SLC25A26: variants seen among roughly 807,000 people sequenced by gnomAD.
SLC25A26 encodes solute carrier family 25 member 26.
Under a neutral mutation model 37.8 loss-of-function variants are expected in SLC25A26, and 36 were observed. The observed-to-expected ratio is 0.95, with a 90% CI of 0.73 to 1.26. The LOEUF is 1.26. Ranked by LOEUF, SLC25A26 falls within the 50% of genes most tolerant of loss-of-function variation. SLC25A26 has a pLI of 0.00. For missense variants in SLC25A26, 390 were observed against 331.1 expected (o/e 1.18, Z -1.38); for synonymous variants, 129 against 122.5 (o/e 1.05, Z -0.35).
At chr3:66,326,418 G>A (rs1299277175) in intron 5 of SLC25A26, among the ~76,000 whole-genome samples, 1 of 152,240 alleles carries the variant, frequency 6.6e-6, no homozygotes, top group East Asian at 1.9e-4. Context: ...TGCCCTGGTA[G>A]AGTCCGCTGC....
In SLC25A26 at chr3:66,138,634, T is replaced by C. The variant is rs145001521; in HGVS notation, c.-354+4650T>C. ...CAAATCAGACAATTTGGTGGGAGGA[T>C]TGATGCAGGGGGAGGGGGGGTAGGG... On this transcript the variant is annotated intron_variant, in intron 1 of 10. Coordinates refer to the SLC25A26 transcript ENST00000676754. Among the ~76,000 whole-genome samples, 11 of 149,460 alleles carry C rather than the reference T, an allele frequency of 7.4e-5. No homozygotes were observed. In the East Asian group the frequency reaches 7.8e-4, roughly 11 times the overall value.
chr3:66,177,257 T>G (rs556882138), intron 1 of SLC25A26, among the ~76,000 whole-genome samples: 7 of 152,308 alleles, frequency 4.6e-5, no homozygotes, highest in Non-Finnish European at 8.8e-5. Flanking sequence ...ATGTTGGCAA[T>G]GCTGACATAG....
chr3:66,167,924 C>A (rs1003031958), intron 1 of SLC25A26, among the ~76,000 whole-genome samples: 1 of 151,846 alleles, frequency 6.6e-6, no homozygotes, highest in African/African-American at 2.4e-5. Context: ...GAGGCCGAGG[C>A]GGGCGGATCA....
chr3:66,373,820 A>G (rs1290138610), intron 9 of SLC25A26, among the ~76,000 whole-genome samples: 7 of 152,142 alleles, frequency 4.6e-5, no homozygotes, highest in Admixed American at 3.9e-4. Flanking sequence ...AAGGGCCCAC[A>G]AAACTCTTCT....
chr3:66,257,309 A>G (rs2073342302), intron 3 of SLC25A26, among the ~76,000 whole-genome samples: 1 of 152,232 alleles, frequency 6.6e-6, no homozygotes, highest in Admixed American at 6.5e-5. Flanking sequence ...ATCTAATTGC[A>G]TAAATATATA....
At chr3:66,155,975 C>A (rs982178670) in intron 1 of SLC25A26, among the ~76,000 whole-genome samples, 2 of 152,132 alleles carry the variant, frequency 1.3e-5, no homozygotes, top group African/African-American at 4.8e-5. Context: ...ACCCAAATTT[C>A]TAAAAAAATG....
At chr3:66,364,437 G>C (rs2076781297) in intron 7 of SLC25A26, among the ~76,000 whole-genome samples, 1 of 152,152 alleles carries the variant, frequency 6.6e-6, no homozygotes, top group Non-Finnish European at 1.5e-5. Flanking sequence ...CTGGGGTATG[G>C]AGAAAGGGAG....
At chr3:66,318,304 A>G (rs2075595921) in intron 5 of SLC25A26, among the ~76,000 whole-genome samples, 1 of 152,312 alleles carries the variant, frequency 6.6e-6, no homozygotes, top group Non-Finnish European at 1.5e-5. Flanking sequence ...CCCTGGATGC[A>G]TGGGCTCATG....
intron 1 of SLC25A26, among the ~76,000 whole-genome samples, chr3:66,142,952 A>G (rs1159257821): frequency 1.3e-5 from 2 of 151,916 alleles, no homozygotes; most frequent in Non-Finnish European, 2.9e-5. Flanking sequence ...TTTTTTGTAG[A>G]GATGGGATCT....
intron 3 of SLC25A26, among the ~76,000 whole-genome samples, chr3:66,247,335 G>A (rs966990079): frequency 1.4e-4 from 21 of 152,094 alleles, no homozygotes; most frequent in African/African-American, 4.8e-4. Flanking sequence ...GAATGATGGG[G>A]TCTCACTCTG....
chr3:66,193,791 G>T, intron 1 of SLC25A26, among the ~76,000 whole-genome samples: 1 of 152,232 alleles, frequency 6.6e-6, no homozygotes, highest in Admixed American at 6.5e-5. Context: ...TAATGCTTTG[G>T]CTGGCCCCTA....
rs908969736 is a variant in SLC25A26 at position 66,378,768 on chromosome 3, G to A, written c.*961G>A. On this transcript the variant is annotated 3_prime_UTR_variant, in exon 10 of 10. Transcript: ENST00000354883. ...AGATAATTAAAGGCAGAATGACTGC[G>A]TTTGTAAAAGAAGGACCACCAACTA... 2.0e-5 allele frequency: 3 copies of A among 152,492 alleles called. No individual in the cohort carries two copies. Among genetic ancestry groups the A allele is most frequent in the Middle Eastern group, 3.4e-3 (1 of 294 alleles). The allele number at this position is 152,492 out of a possible 1,614,324, so 9.4% of individuals were successfully genotyped here.
chr3:66,157,305 G>A (rs1401540792), intron 1 of SLC25A26, among the ~76,000 whole-genome samples: 3 of 152,194 alleles, frequency 2.0e-5, no homozygotes, highest in Non-Finnish European at 4.4e-5. Context: ...AGCTTTGCTT[G>A]CAGGCTGGGG....
chr3:66,288,077 GC>G (rs1553685221), intron 5 of SLC25A26, among the ~76,000 whole-genome samples: 1 of 152,146 alleles, frequency 6.6e-6, no homozygotes, highest in Non-Finnish European at 1.5e-5. Flanking sequence ...GAGAGATTCT[GC>G]CCCTAGACAG....
At chr3:66,176,384 A>T (rs2070587198) in intron 1 of SLC25A26, among the ~76,000 whole-genome samples, 1 of 152,196 alleles carries the variant, frequency 6.6e-6, no homozygotes, top group Non-Finnish European at 1.5e-5. Flanking sequence ...GAAAACACAG[A>T]GGAAGTGTGT....
chr3:66,344,824 T>G (rs1390257517), intron 5 of SLC25A26, among the ~76,000 whole-genome samples: 1 of 152,196 alleles, frequency 6.6e-6, no homozygotes, highest in Non-Finnish European at 1.5e-5. Context: ...TGGGTGAATT[T>G]ATATGCAGAT....
At chr3:66,353,363 G>C (rs1198444081) in intron 6 of SLC25A26, among the ~76,000 whole-genome samples, 1 of 152,160 alleles carries the variant, frequency 6.6e-6, no homozygotes, top group East Asian at 1.9e-4. Context: ...GTAGGTGCTG[G>C]CCTGGTCTTT....
intron 9 of SLC25A26, among the ~76,000 whole-genome samples, chr3:66,370,842 A>C (rs541760372): frequency 1.3e-5 from 2 of 152,348 alleles, no homozygotes; most frequent in African/African-American, 4.8e-5. Flanking sequence ...TGAAATTCAC[A>C]TGTGTGGCTC....
chr3:66,293,738 G>C (rs13062248), intron 5 of SLC25A26, among the ~76,000 whole-genome samples: 39,114 of 152,024 alleles, frequency 0.26, 5,819 homozygotes, highest in East Asian at 0.62. Flanking sequence ...TCTTACGGCT[G>C]TATAGTATTC....
Sources: gnomAD v4.1 joint callset for allele counts (sites outside exome capture counted in the v4.1 genomes callset) on GRCh38, gnomAD v4.1.1 for gene constraint, MANE v1.5 for transcripts, NCBI Gene and HGNC (gene_info 2026-07-23, HGNC 2026-07-21) for gene names.